The following PRKG2 variants were observed in gnomAD, a reference collection of about 807,000 sequenced individuals.
PRKG2 encodes cGMP-dependent protein kinase 2.
In PRKG2, 33 loss-of-function variants were observed where a neutral mutation model predicts 97.2. The ratio of observed to expected loss-of-function variants is 0.34; its 90% CI spans 0.26 to 0.45. The LOEUF is 0.45. Among genes scored for constraint, PRKG2 ranks in the 20% least tolerant of loss-of-function variants. PRKG2 has a pLI of 1.00. For missense variants in PRKG2, 638 were observed against 900.0 expected (o/e 0.71, Z 3.73); for synonymous variants, 330 against 321.8 (o/e 1.03, Z -0.27).
chr4:81,104,440 A>G lies in PRKG2; in HGVS notation c.2064-8T>C. 1 of 1,391,690 alleles carries G rather than the reference A, an allele frequency of 7.2e-7. No homozygotes were observed. The allele number at this position is 1,391,690 out of a possible 1,614,324, so 86.2% of individuals were successfully genotyped here. A position where few individuals can be genotyped will look rare whatever the true frequency, so the allele number is the denominator to read the frequency against. On this transcript the variant is annotated splice_polypyrimidine_tract_variant and splice_region_variant and intron_variant, in intron 16 of 18. Coordinates refer to ENST00000264399, the MANE Select transcript of PRKG2 (RefSeq NM_006259.3). Reference sequence around the variant, plus strand: ...CTTTCTGTTGGATTTTGCCTAAAACAATAATTTGTAAAAGGCAATTTATAA... The same window carrying G: ...CTTTCTGTTGGATTTTGCCTAAAACGATAATTTGTAAAAGGCAATTTATAA...
rs1441143440 is a variant in PRKG2 at position 81,089,572 on chromosome 4, C to A, written c.*136G>T. 3.2e-6 allele frequency: 2 copies of A among 623,750 alleles called. No homozygotes were observed. The highest frequency in any genetic ancestry group is 2.8e-5 in the East Asian group (1 of 35,606). The allele number at this position is 623,750 out of a possible 1,614,324, so 38.6% of individuals were successfully genotyped here. ...CCATATCCACACCATTCTCCTCTTC[C>A]CATTGTGCAGGAATTTCTTTTCCCT... is the stretch of plus-strand genomic sequence containing the variant. On this transcript the variant is annotated 3_prime_UTR_variant, in exon 19 of 19. Transcript: ENST00000264399.
intron 15 of PRKG2, among the ~76,000 whole-genome samples, chr4:81,106,487 G>A (rs1385742992): frequency 6.6e-6 from 1 of 152,106 alleles, no homozygotes; most frequent in Admixed American, 6.6e-5. Context: ...AGAAGGACCT[G>A]GGGATACATT....
intron 14 of PRKG2, among the ~76,000 whole-genome samples, chr4:81,116,271 T>C (rs1260564093): frequency 6.6e-6 from 1 of 152,194 alleles, no homozygotes; most frequent in Non-Finnish European, 1.5e-5. Context: ...CACTTATAAG[T>C]GAGAACATGC....
chr4:81,112,534 T>C (rs1460383923), intron 14 of PRKG2, among the ~76,000 whole-genome samples: 3 of 152,238 alleles, frequency 2.0e-5, no homozygotes, highest in African/African-American at 7.2e-5. Context: ...GCTTACCAGC[T>C]ATTTAGGAGA....
intron 15 of PRKG2, among the ~76,000 whole-genome samples, chr4:81,109,090 C>T (rs1209189322): frequency 6.6e-6 from 1 of 152,174 alleles, no homozygotes; most frequent in African/African-American, 2.4e-5. Flanking sequence ...AGCCCTTAAA[C>T]AACTTTTCTC....
At position 81,135,212 on chromosome 4, in the gene PRKG2, G is replaced by C. The variant is rs1417333846; in HGVS notation, c.1719C>G (p.Ile573Met). 1.2e-6 allele frequency: 2 copies of C among 1,612,316 alleles called. No homozygotes were observed. Among genetic ancestry groups the C allele is most frequent in the African/African-American group, 2.7e-5 (2 of 74,874 alleles). The change falls in exon 14 of 19, where the codon ATC becomes ATG. Residue 573 changes from isoleucine (I) to methionine (M), a missense_variant. Coordinates refer to ENST00000264399, the MANE Select transcript of PRKG2 (RefSeq NM_006259.3). The stretch of plus-strand genomic sequence containing the variant: ...AGTTTTCTGGTTTCAAGTCTCTGTA[G>C]ATAATACCTAGTCGATGCAGGTAAT... ...AFDYLHRLGI[I>M]YRDLKPENLI...
chr4:81,154,738 C>T (rs944983160), intron 6 of PRKG2, among the ~76,000 whole-genome samples: 1 of 152,178 alleles, frequency 6.6e-6, no homozygotes, highest in Non-Finnish European at 1.5e-5. Flanking sequence ...GAACGCAGTT[C>T]CTCACTAGCA....
At chr4:81,156,086 C>T (rs1749064608) in intron 6 of PRKG2, among the ~76,000 whole-genome samples, 1 of 152,002 alleles carries the variant, frequency 6.6e-6, no homozygotes, top group Admixed American at 6.6e-5. Context: ...ACAATGTTAA[C>T]TTTAAACGTA....
intron 17 of PRKG2, among the ~76,000 whole-genome samples, chr4:81,097,276 A>G (rs1578328258): frequency 6.6e-6 from 1 of 152,318 alleles, no homozygotes; most frequent in East Asian, 1.9e-4. Flanking sequence ...TTTGGTGACT[A>G]GGTGCATTGT....
At chr4:81,099,326 A>T (rs1407261911) in intron 17 of PRKG2, among the ~76,000 whole-genome samples, 2 of 152,180 alleles carry the variant, frequency 1.3e-5, no homozygotes, top group African/African-American at 4.8e-5. Flanking sequence ...AAATACTGGC[A>T]AACCGAATCC....
At chr4:81,146,457 A>G (rs893604465) in intron 9 of PRKG2, among the ~76,000 whole-genome samples, 17 of 152,304 alleles carry the variant, frequency 1.1e-4, no homozygotes, top group Admixed American at 9.8e-4. Flanking sequence ...CTCTTGCCAT[A>G]CAAAAGGGTT....
At chr4:81,164,294 G>A (rs1387652972) in intron 6 of PRKG2, among the ~76,000 whole-genome samples, 4 of 152,110 alleles carry the variant, frequency 2.6e-5, no homozygotes, top group African/African-American at 7.2e-5. Context: ...GAGTGACAGA[G>A]GCAGAACCAC....
intron 3 of PRKG2, among the ~76,000 whole-genome samples, chr4:81,172,235 T>C (rs937638559): frequency 5.3e-5 from 8 of 152,048 alleles, no homozygotes; most frequent in Non-Finnish European, 1.2e-4. Context: ...TTATAACCTA[T>C]GAGAAATGTA....
intron 14 of PRKG2, among the ~76,000 whole-genome samples, chr4:81,111,819 G>A (rs896016838): frequency 2.0e-5 from 3 of 152,094 alleles, no homozygotes; most frequent in Non-Finnish European, 2.9e-5. Context: ...GGGGTATTTA[G>A]CAAATACTTT....
At chr4:81,184,497 A>T (rs1317591359) in intron 2 of PRKG2, among the ~76,000 whole-genome samples, 1 of 152,190 alleles carries the variant, frequency 6.6e-6, no homozygotes, top group African/African-American at 2.4e-5. Flanking sequence ...GGTCACCAAC[A>T]TCAAAGACCA....
intron 3 of PRKG2, among the ~76,000 whole-genome samples, chr4:81,172,100 G>A (rs1750532027): frequency 6.6e-6 from 1 of 151,650 alleles, no homozygotes; most frequent in South Asian, 2.1e-4. Context: ...AGTTAATCTA[G>A]GTAAGGAATT....
chr4:81,169,651 T>C lies in PRKG2; in HGVS notation c.848+12A>G. The C allele has an allele frequency of 6.5e-7, 1 of 1,545,734 alleles. No individual in the cohort carries two copies. The highest frequency in any genetic ancestry group is 8.9e-7 in the Non-Finnish European group (1 of 1,122,708). ...CCACTGTCTTCACTGTCTCCCAATG[T>C]ATTATTCTTACCTTCTGAGGAAGTT... On this transcript the variant is annotated intron_variant, in intron 5 of 18. Transcript: ENST00000264399.
intron 10 of PRKG2, among the ~76,000 whole-genome samples, chr4:81,143,335 T>C (rs571575706): frequency 9.2e-5 from 14 of 152,212 alleles, no homozygotes; most frequent in African/African-American, 2.6e-4. Context: ...AGTCAATGAA[T>C]GGGAATGAAA....
intron 15 of PRKG2, among the ~76,000 whole-genome samples, chr4:81,106,323 C>A (rs1289445998): frequency 2.0e-5 from 3 of 152,136 alleles, no homozygotes; most frequent in Admixed American, 1.3e-4. Context: ...CTACCTATGG[C>A]AGACAGTTCT....
Sources: gnomAD v4.1 joint callset for allele counts (sites outside exome capture counted in the v4.1 genomes callset) on GRCh38, gnomAD v4.1.1 for gene constraint, MANE v1.5 for transcripts, NCBI Gene and HGNC (gene_info 2026-07-23, HGNC 2026-07-21) for gene names.